CD244: variants seen among roughly 807,000 people sequenced by gnomAD.
CD244 encodes the protein CD244 molecule.
CD244 carries 20 observed loss-of-function variants against 45.5 expected under a neutral mutation model. That is an observed-to-expected ratio of 0.44 (90% CI 0.31 to 0.64). The LOEUF (loss-of-function observed/expected upper bound fraction) is 0.64. CD244 is among the 30% of genes least tolerant of loss of function. The pLI is 0.08. For synonymous variants in CD244, 185 were observed against 160.5 expected (o/e 1.15, Z -1.15); for missense variants, 407 against 426.9 (o/e 0.95, Z 0.41).
intron 1 of CD244, among the ~76,000 whole-genome samples, chr1:160,857,945 G>A (rs1670167361): frequency 2.0e-5 from 3 of 152,096 alleles, no homozygotes; most frequent in Admixed American, 2.0e-4. Flanking sequence ...TACTAAGGAG[G>A]CTGAGGCAGA....
intron 1 of CD244, among the ~76,000 whole-genome samples, chr1:160,853,642 G>A (rs1048874065): frequency 2.0e-5 from 3 of 152,052 alleles, no homozygotes; most frequent in Non-Finnish European, 2.9e-5. Flanking sequence ...ACCATAGCAA[G>A]TGAATTTGTA....
intron 1 of CD244, among the ~76,000 whole-genome samples, chr1:160,858,492 G>T (rs189624307): frequency 8.5e-5 from 13 of 152,284 alleles, no homozygotes; most frequent in African/African-American, 2.9e-4. Flanking sequence ...GGTTTCCTCA[G>T]AACGGACAAC....
Position 160,831,245 on chromosome 1 carries a change from C to A in CD244, c.*102G>T. On this transcript the variant is annotated 3_prime_UTR_variant, in exon 9 of 9. Transcript: ENST00000368034. Reference sequence around the variant, plus strand: ...CAAGAACAAATTTCCATATCCTCTCCAGACTAGGAACTGTTCTATAGAGAC... The same window carrying A: ...CAAGAACAAATTTCCATATCCTCTCAAGACTAGGAACTGTTCTATAGAGAC... 1 of 797,404 alleles carries A rather than the reference C, an allele frequency of 1.3e-6. No individual in the cohort carries two copies. The highest frequency in any genetic ancestry group is 2.1e-6 in the Non-Finnish European group (1 of 470,198). The allele number at this position is 797,404 out of a possible 1,614,324, so 49.4% of individuals were successfully genotyped here. A position where few individuals can be genotyped will look rare whatever the true frequency, so the allele number is the denominator to read the frequency against.
chr1:160,834,217 A>G, intron 6 of CD244, 101 bp from the exon 7 acceptor site: 1 of 884,344 alleles, frequency 1.1e-6, no homozygotes, highest in Non-Finnish European at 1.9e-6. Context: ...GCCCAGATGG[A>G]AGCTTCAAGT....
chr1:160,858,351 T>A (rs999363788), intron 1 of CD244, among the ~76,000 whole-genome samples: 1 of 152,146 alleles, frequency 6.6e-6, no homozygotes, highest in Non-Finnish European at 1.5e-5. Context: ...CAACACAATC[T>A]ACGCAAACAG....
Position 160,833,914 on chromosome 1 carries a change from C to A in CD244, c.960+137G>T, listed in dbSNP as rs527995628. On this transcript the variant is annotated intron_variant, in intron 7 of 8. Coordinates refer to ENST00000368034, the MANE Select transcript of CD244 (RefSeq NM_016382.4). ...TGGCCCATTGACATTTAAATACAGT[C>A]ATTTAACAGAAGCTACTCAGATACA... is the stretch of plus-strand genomic sequence containing the variant. 9.6e-4 allele frequency: 602 copies of A among 629,756 alleles called. 1 individual carries two copies. The African/African-American group carries it at 9.7e-3, about 10-fold the overall frequency. 39.0% of individuals were successfully genotyped at this position (629,756 alleles called of 1,614,324 possible). A position where few individuals can be genotyped will look rare whatever the true frequency, so the allele number is the denominator to read the frequency against.
Position 160,842,554 on chromosome 1 carries a change from A to C in CD244, c.62-653T>G, listed in dbSNP as rs369480787. Among the ~76,000 whole-genome samples, 38 of 152,242 alleles carry C rather than the reference A, an allele frequency of 2.5e-4. 2 individuals are homozygous for C. In the South Asian group the frequency reaches 7.5e-3, roughly 30 times the overall value. On this transcript the variant is annotated intron_variant, in intron 1 of 8. Coordinates refer to ENST00000368034, the MANE Select transcript of CD244 (RefSeq NM_016382.4). ...CAAGTAGTGACTGTTGGAAATTCTG[A>C]ATGGTCAGGCCCAGGAAGACTAACC...
intron 8 of CD244, 111 bp from the exon 9 acceptor site, chr1:160,831,538 G>T: frequency 1.3e-6 from 1 of 787,552 alleles, no homozygotes; most frequent in Non-Finnish European, 2.1e-6. Flanking sequence ...ATGAAGCTCA[G>T]AGTGACAAAA....
chr1:160,836,820 C>G (rs1669350979), intron 5 of CD244, among the ~76,000 whole-genome samples: 1 of 152,022 alleles, frequency 6.6e-6, no homozygotes, highest in Non-Finnish European at 1.5e-5. Context: ...TTTCATGCTG[C>G]CGGCCACTGA....
chr1:160,832,400 TA>T, intron 8 of CD244, 118 bp downstream of exon 8: 1 of 687,602 alleles, frequency 1.5e-6, no homozygotes, highest in Non-Finnish European at 2.5e-6. Context: ...AGAAGATCTC[TA>T]AATTCCCTAC....
Position 160,862,737 on chromosome 1 carries a change from C to G in CD244, c.-60G>C. ...ACCCCACCAGACTCTCTGCCGTGCA[C>G]GGGCTCAGCAGTCCCCAGTCAGCAA... On this transcript the variant is annotated 5_prime_UTR_variant, in exon 1 of 9. Coordinates refer to ENST00000368034, the MANE Select transcript of CD244 (RefSeq NM_016382.4). 1 of 1,513,128 alleles carries G rather than the reference C, an allele frequency of 6.6e-7. No homozygotes were observed. The highest frequency in any genetic ancestry group is 2.3e-5 in the East Asian group (1 of 43,952). 93.7% of individuals were successfully genotyped at this position (1,513,128 alleles called of 1,614,324 possible). A position where few individuals can be genotyped will look rare whatever the true frequency, so the allele number is the denominator to read the frequency against.
At chr1:160,837,153 G>A (rs892443177) in intron 5 of CD244, among the ~76,000 whole-genome samples, 4 of 152,140 alleles carry the variant, frequency 2.6e-5, no homozygotes, top group African/African-American at 7.2e-5. Context: ...GAGACAATAG[G>A]GAGAGGCCAG....
At chr1:160,833,968 GCA>G (rs1669229504) in intron 7 of CD244, 81 bp downstream of exon 7, 8 of 955,066 alleles carry the variant, frequency 8.4e-6, no homozygotes, top group South Asian at 2.7e-5. Context: ...GCCAGGATGT[GCA>G]CACACACTCT....
intron 7 of CD244, among the ~76,000 whole-genome samples, chr1:160,832,874 A>G (rs1010444998): frequency 6.7e-6 from 1 of 148,644 alleles, no homozygotes; most frequent in African/African-American, 2.5e-5. Flanking sequence ...GTGTGTGTAT[A>G]TATATATATA....
chr1:160,834,005 C>T (rs1669230844), intron 7 of CD244, 46 bp downstream of exon 7: 2 of 1,362,564 alleles, frequency 1.5e-6, no homozygotes, highest in East Asian at 4.6e-5. Context: ...GCAAAATACA[C>T]ATCTACATCA....
At chr1:160,836,128 GT>G in intron 6 of CD244, 66 bp downstream of exon 6, 1 of 1,193,882 alleles carries the variant, frequency 8.4e-7, no homozygotes, top group Non-Finnish European at 1.3e-6. Flanking sequence ...AATGGTGTGA[GT>G]TTCAGGGGGG....
intron 1 of CD244, among the ~76,000 whole-genome samples, chr1:160,853,145 C>T (rs1207343196): frequency 1.3e-5 from 2 of 152,126 alleles, no homozygotes; most frequent in Non-Finnish European, 2.9e-5. Context: ...ATTAGATGAG[C>T]AAATAAATCG....
At chr1:160,835,144 C>A (rs7518342) in intron 6 of CD244, among the ~76,000 whole-genome samples, 1 of 151,776 alleles carries the variant, frequency 6.6e-6, no homozygotes, top group Non-Finnish European at 1.5e-5. Flanking sequence ...TTATTACTGG[C>A]CACCAGGAGG....
At chr1:160,839,246 G>A in intron 3 of CD244, 197 bp from the exon 4 acceptor site, 1 of 518,720 alleles carries the variant, frequency 1.9e-6, no homozygotes. Context: ...CAAGAGCATA[G>A]ATATATCAGA....
Sources: gnomAD v4.1 joint callset for allele counts (sites outside exome capture counted in the v4.1 genomes callset) on GRCh38, gnomAD v4.1.1 for gene constraint, MANE v1.5 for transcripts, NCBI Gene and HGNC (gene_info 2026-07-23, HGNC 2026-07-21) for gene names.